SCML2: variants seen among roughly 807,000 people sequenced by gnomAD.
SCML2 encodes the protein sex comb on midleg-like protein 2.
A neutral mutation model predicts 48.4 loss-of-function variants in SCML2; 6 were observed. The observed-to-expected ratio is 0.12, with a 90% confidence interval of 0.07 to 0.24. The LOEUF (loss-of-function observed/expected upper bound fraction) is 0.24. SCML2 is among the 10% of genes least tolerant of loss of function. SCML2 has a pLI of 1.00. For synonymous variants in SCML2, 181 were observed against 189.5 expected, an observed-to-expected ratio of 0.95 and a Z score of 0.37; for missense variants, 377 against 528.2, an observed-to-expected ratio of 0.71 and a Z score of 2.81.
chrX:18,328,094 T>C (rs1929542780), intron 3 of SCML2, among the ~76,000 whole-genome samples: 1 of 111,188 alleles, frequency 9.0e-6, no homozygotes, highest in Non-Finnish European at 1.9e-5. Context: ...CATGTGCCCA[T>C]GGTCTCTTCT....
chrX:18,352,104 G>T (rs1930395683), intron 1 of SCML2, among the ~76,000 whole-genome samples: 1 of 111,636 alleles, frequency 9.0e-6, no homozygotes, highest in Non-Finnish European at 1.9e-5. Flanking sequence ...AAGCCCAAAA[G>T]AAAATAAGAG....
At chrX:18,252,807 C>T (rs1264800957) in intron 11 of SCML2, among the ~76,000 whole-genome samples, 1 of 112,201 alleles carries the variant, frequency 8.9e-6, no homozygotes, top group African/African-American at 3.2e-5. Context: ...AAAGATTTAG[C>T]AGCTTCACAC....
intron 11 of SCML2, among the ~76,000 whole-genome samples, chrX:18,248,615 C>T (rs1301280554): frequency 8.9e-6 from 1 of 112,048 alleles, no homozygotes; most frequent in Non-Finnish European, 1.9e-5. Context: ...GATGAGCAAC[C>T]TTTAGCTCAA....
At chrX:18,267,505 T>C (rs963269998) in intron 7 of SCML2, among the ~76,000 whole-genome samples, 2 of 111,521 alleles carry the variant, frequency 1.8e-5, no homozygotes, top group African/African-American at 6.5e-5. Context: ...GGGTTAGCTA[T>C]CTTTTTCCAG....
At chrX:18,306,895 C>A (rs1417222954) in intron 6 of SCML2, among the ~76,000 whole-genome samples, 1 of 110,746 alleles carries the variant, frequency 9.0e-6, no homozygotes, top group Non-Finnish European at 1.9e-5. Context: ...TCTCGAACTC[C>A]TGGCCTAAAG....
chrX:18,283,989 C>T (rs1020751544), intron 7 of SCML2, among the ~76,000 whole-genome samples: 1 of 111,897 alleles, frequency 8.9e-6, no homozygotes, highest in African/African-American at 3.2e-5. Context: ...AGCAATCCTA[C>T]ACAAAAAAGA....
At chrX:18,313,857 G>T (rs1371593642) in intron 6 of SCML2, among the ~76,000 whole-genome samples, 2 of 111,505 alleles carry the variant, frequency 1.8e-5, no homozygotes, top group Non-Finnish European at 3.8e-5. Context: ...TTGTTTTTTT[G>T]TTGTTGTTGT....
chrX:18,316,877 A>G (rs1642165207), intron 6 of SCML2, among the ~76,000 whole-genome samples: 1 of 112,220 alleles, frequency 8.9e-6, no homozygotes, highest in African/African-American at 3.2e-5. Context: ...TACATTGCAC[A>G]CTCCTTAGGA....
chrX:18,306,945 A>T (rs1471438188), intron 6 of SCML2, among the ~76,000 whole-genome samples: 2 of 111,154 alleles, frequency 1.8e-5, no homozygotes, highest in Non-Finnish European at 3.8e-5. Flanking sequence ...CTGGGATTAC[A>T]GGTGTGAGCT....
chrX:18,354,104 C>G (rs1930461719), intron 1 of SCML2, among the ~76,000 whole-genome samples: 1 of 112,421 alleles, frequency 8.9e-6, no homozygotes, highest in Admixed American at 9.2e-5. Flanking sequence ...GATTTGCGCC[C>G]GCACGCCGCC....
chrX:18,328,123 T>C (rs1480284083), intron 3 of SCML2, among the ~76,000 whole-genome samples: 1 of 111,332 alleles, frequency 9.0e-6, no homozygotes, highest in Non-Finnish European at 1.9e-5. Flanking sequence ...TTGTACTCTA[T>C]TCTAGTCTAC....
intron 7 of SCML2, among the ~76,000 whole-genome samples, chrX:18,298,977 A>C (rs767833924): frequency 8.9e-6 from 1 of 111,886 alleles, no homozygotes; most frequent in African/African-American, 3.2e-5. Context: ...AGTTCAGCAC[A>C]TTGGTCTAAG....
intron 7 of SCML2, among the ~76,000 whole-genome samples, chrX:18,286,385 G>A (rs949630489): frequency 7.2e-5 from 8 of 111,561 alleles, no homozygotes; most frequent in Admixed American, 6.6e-4. Context: ...AAATACCCAC[G>A]CAGGCTCACT....
At chrX:18,242,710 G>A (rs901799316) in intron 13 of SCML2, 120 bp from the exon 14 acceptor site, 61 of 739,798 alleles carry the variant, frequency 8.2e-5, no homozygotes, top group Non-Finnish European at 1.3e-5. Flanking sequence ...TCCCCAACAA[G>A]GTCTCAAGAC....
Position 18,241,176 on chromosome X carries a change from T to C in SCML2, c.*75A>G, listed in dbSNP as rs1439918934. ...GAACTGTCTACAAAACAAAAACTGC[T>C]AAGAGAAATACTTTTAAATTAAAAT... On this transcript the variant is annotated 3_prime_UTR_variant, in exon 15 of 15. Coordinates refer to ENST00000251900, the MANE Select transcript of SCML2 (RefSeq NM_006089.3). The C allele has an allele frequency of 9.9e-6, 9 of 913,375 alleles. No homozygotes were observed. Among genetic ancestry groups the C allele is most frequent in the Non-Finnish European group, 1.3e-5 (9 of 687,879 alleles). The allele number at this position is 913,375 out of a possible 1,213,427, so 75.3% of individuals were successfully genotyped here.
In SCML2 at chrX:18,242,549, G is replaced by T; in HGVS notation, c.1864C>A (p.Gln622Lys). The T allele has an allele frequency of 8.3e-7, 1 of 1,207,733 alleles. No homozygotes were observed. The highest frequency in any genetic ancestry group is 1.1e-6 in the Non-Finnish European group (1 of 894,104). The change falls in exon 14 of 15, where the codon CAA becomes AAA. Residue 622 changes from glutamine (Q) to lysine (K), a missense_variant. Physicochemically the swap from Gln to Lys is moderately conservative, Grantham distance 53. Coordinates refer to ENST00000251900, the MANE Select transcript of SCML2 (RefSeq NM_006089.3). ...IAVPDPSVLK[Q>K]GFSKDPSTWS... ...GTTGAAGGGTCCTTAGAGAAGCCTT[G>T]TTTCAGGACACTGGGATCAGGTACA...
intron 7 of SCML2, among the ~76,000 whole-genome samples, chrX:18,293,004 A>G (rs772327927): frequency 9.0e-6 from 1 of 111,556 alleles, no homozygotes; most frequent in African/African-American, 3.2e-5. Context: ...TGTGTTTTCT[A>G]AAGTTATATG....
At chrX:18,243,903 GT>G (rs1926353268) in intron 13 of SCML2, among the ~76,000 whole-genome samples, 1 of 111,923 alleles carries the variant, frequency 8.9e-6, no homozygotes, top group East Asian at 2.8e-4. Flanking sequence ...CAAATTTGAT[GT>G]TTTTTTGTGT....
chrX:18,273,790 C>T (rs1413443411), intron 7 of SCML2, among the ~76,000 whole-genome samples: 3 of 110,831 alleles, frequency 2.7e-5, no homozygotes, highest in Admixed American at 1.9e-4. Context: ...ACCCCCCATC[C>T]TGTGCCCATA....
Sources: allele counts gnomAD v4.1 joint callset (sites outside exome capture counted in the v4.1 genomes callset), GRCh38; gene constraint gnomAD v4.1.1; transcripts MANE v1.5; gene names NCBI Gene and HGNC (gene_info 2026-07-23, HGNC 2026-07-21).